NEK10: variants seen among roughly 807,000 people sequenced by gnomAD.
The protein encoded by NEK10 is NIMA related kinase 10, also known as serine/threonine-protein kinase Nek10.
A neutral mutation model predicts 159.8 loss-of-function variants in NEK10; 122 were observed. The ratio of observed to expected loss-of-function variants is 0.76; its 90% CI spans 0.66 to 0.89. NEK10 has a LOEUF of 0.89. NEK10 is among the 40% of genes least tolerant of loss of function. The probability of loss-of-function intolerance (pLI) is 0.00; values close to 1 mark genes in which losing one functional copy is unlikely to be tolerated. For synonymous variants in NEK10, 466 were observed against 457.1 expected (o/e 1.02, Z -0.25); for missense variants, 1,342 against 1,323.1 (o/e 1.01, Z -0.22).
rs138589882 is a variant in NEK10 at position 27,148,023 on chromosome 3, G to T, written c.2870-6441C>A. Among the ~76,000 whole-genome samples the T allele has an allele frequency of 3.9e-4, 59 of 151,898 alleles. No homozygotes were observed. In the East Asian group the frequency reaches 9.5e-3, roughly 24 times the overall value. ...TGCACCCCAATATAAAAAATAATAA[G>T]TAGTTATATAAACAGAAAAATTTTT... On this transcript the variant is annotated intron_variant, in intron 30 of 35. Transcript: ENST00000691995.
At chr3:27,317,865 C>T (rs564427918) in intron 6 of NEK10, among the ~76,000 whole-genome samples, 2 of 152,136 alleles carry the variant, frequency 1.3e-5, no homozygotes, top group East Asian at 1.9e-4. Flanking sequence ...TGCAGTGGCG[C>T]GATCTTGGCT....
At chr3:27,236,685 T>C (rs542336182) in intron 23 of NEK10, among the ~76,000 whole-genome samples, 1 of 152,114 alleles carries the variant, frequency 6.6e-6, no homozygotes, top group East Asian at 1.9e-4. Context: ...AGAGGGTGTA[T>C]GAACAGGGAA....
At chr3:27,172,448 T>C (rs1947097681) in intron 28 of NEK10, among the ~76,000 whole-genome samples, 1 of 151,412 alleles carries the variant, frequency 6.6e-6, no homozygotes, top group Non-Finnish European at 1.5e-5. Context: ...CTGGTATATA[T>C]CCAAAAGAAG....
chr3:27,132,077 A>G (rs893194917), intron 31 of NEK10, 87 bp from the exon 32 acceptor site: 4 of 669,642 alleles, frequency 6.0e-6, no homozygotes, highest in Admixed American at 5.1e-5. Context: ...GGGCCCATGT[A>G]ACAATATTCA....
At chr3:27,148,093 A>G (rs1944481573) in intron 30 of NEK10, among the ~76,000 whole-genome samples, 1 of 152,232 alleles carries the variant, frequency 6.6e-6, no homozygotes, top group African/African-American at 2.4e-5. Flanking sequence ...TATTGAATCC[A>G]TACTGAGCAG....
At chr3:27,118,626 T>C (rs189178250) in intron 33 of NEK10, among the ~76,000 whole-genome samples, 8 of 152,316 alleles carry the variant, frequency 5.3e-5, no homozygotes, top group Non-Finnish European at 7.3e-5. Flanking sequence ...TGGGGGGAGT[T>C]TGTCAACTCA....
intron 3 of NEK10, among the ~76,000 whole-genome samples, chr3:27,351,170 G>T (rs2047943296): frequency 6.6e-6 from 1 of 151,432 alleles, no homozygotes; most frequent in Non-Finnish European, 1.5e-5. Flanking sequence ...CTTGGAAATG[G>T]GTGAGATTTT....
At position 27,119,844 on chromosome 3, in the gene NEK10, T is replaced by C. The variant is rs1272938083; in HGVS notation, c.3106A>G (p.Ile1036Val). The C allele has an allele frequency of 1.2e-6, 2 of 1,613,790 alleles. No homozygotes were observed. The highest frequency in any genetic ancestry group is 2.7e-5 in the African/African-American group (2 of 74,908). The change falls in exon 33 of 36, where the codon ATT (isoleucine) becomes GTT (valine). Residue 1036 changes from isoleucine to valine, a missense_variant. Transcript: ENST00000691995. ...TCTGCTGTGAAAAAGTTGGGCTCAA[T>C]CGGTTCTGGAGATCCCTGAGATAAC... Reference protein sequence around the residue: ...KKLSQGSPEPIEPNFFTADYH... With the variant: ...KKLSQGSPEPVEPNFFTADYH...
chr3:27,350,957 A>G (rs2047927076), intron 3 of NEK10, among the ~76,000 whole-genome samples: 2 of 152,144 alleles, frequency 1.3e-5, no homozygotes, highest in Non-Finnish European at 1.5e-5. Flanking sequence ...CCAAGAACTC[A>G]TCAAATATAG....
At chr3:27,189,020 A>T (rs1948877422) in intron 26 of NEK10, among the ~76,000 whole-genome samples, 1 of 152,158 alleles carries the variant, frequency 6.6e-6, no homozygotes, top group Non-Finnish European at 1.5e-5. Context: ...ACATGACAAT[A>T]TTCTAATTAT....
chr3:27,271,275 G>A (rs192001080), intron 22 of NEK10, among the ~76,000 whole-genome samples: 2 of 151,700 alleles, frequency 1.3e-5, no homozygotes, highest in East Asian at 1.9e-4. Context: ...ATCGTATAAG[G>A]TGGTGTTAAC....
chr3:27,340,120 A>G (rs2047097291), intron 5 of NEK10, among the ~76,000 whole-genome samples: 1 of 152,238 alleles, frequency 6.6e-6, no homozygotes, highest in Admixed American at 6.5e-5. Context: ...ATGCTTATCA[A>G]TGATAGACTG....
intron 26 of NEK10, among the ~76,000 whole-genome samples, chr3:27,187,961 C>A (rs1269771457): frequency 6.6e-6 from 1 of 152,162 alleles, no homozygotes; most frequent in Non-Finnish European, 1.5e-5. Context: ...TATGCATTGT[C>A]AATCAGCAGA....
Position 27,277,577 on chromosome 3 carries a change from A to G in NEK10, c.2014+7025T>C, listed in dbSNP as rs144949820. Among the ~76,000 whole-genome samples, 105 of 152,282 alleles carry G rather than the reference A, an allele frequency of 6.9e-4. 2 individuals are homozygous for G. The highest frequency in any genetic ancestry group is 1.2e-3 in the East Asian group (6 of 5,178). ...CACATCAAACACCTTGATAGTTCCTAGACACACTATACTCCTTCATGTCTC... is the reference window on the plus strand; with the variant it reads ...CACATCAAACACCTTGATAGTTCCTGGACACACTATACTCCTTCATGTCTC... On this transcript the variant is annotated intron_variant, in intron 22 of 35. Coordinates refer to ENST00000691995, the MANE Select transcript of NEK10 (RefSeq NM_001394966.1).
At position 27,309,356 on chromosome 3, in the gene NEK10, A is replaced by T. The variant is rs79803073; in HGVS notation, c.637-351T>A. ...TGGCTTTACCCATAGAATAGTGAAA[A>T]AAATTATGCCCTATCAAGCCTTATG... On this transcript the variant is annotated intron_variant, in intron 9 of 35. Transcript: ENST00000691995. The T allele has an allele frequency of 1.4e-3, 224 of 155,232 alleles. 6 individuals are homozygous for T. The East Asian group carries it at 0.037, about 26-fold the overall frequency. The allele number at this position is 155,232 out of a possible 1,614,324, so 9.6% of individuals were successfully genotyped here. A position where few individuals can be genotyped will look rare whatever the true frequency, so the allele number is the denominator to read the frequency against.
In NEK10 at chr3:27,141,577, C is replaced by A. The variant is rs1575477088; in HGVS notation, c.2875G>T (p.Ala959Ser). The stretch of plus-strand genomic sequence containing the variant: ...TTCCTCTGGGACACAGCAATTCCTG[C>A]TGATGCTGTGGGTGATAAATTTTGT... The part of the protein sequence containing the change: ...GTGSRPRPAS[A>S]GIAVSQRKVR... The change falls in exon 31 of 36, where the codon GCA becomes TCA. Residue 959 changes from alanine (A) to serine (S), a missense_variant. Ala to Ser is a moderately conservative substitution (Grantham distance 99, BLOSUM62 1). Transcript: ENST00000691995. 1 of 1,611,086 alleles carries A rather than the reference C, an allele frequency of 6.2e-7. No individual in the cohort carries two copies. Among genetic ancestry groups the A allele is most frequent in the Non-Finnish European group, 8.5e-7 (1 of 1,177,730 alleles).
chr3:27,187,658 A>G (rs1948743156), intron 26 of NEK10, among the ~76,000 whole-genome samples: 1 of 151,792 alleles, frequency 6.6e-6, no homozygotes, highest in South Asian at 2.1e-4. Flanking sequence ...AAAAGCGGGT[A>G]TGTACAATAA....
chr3:27,250,509 G>C (rs1408802590), intron 23 of NEK10, among the ~76,000 whole-genome samples: 2 of 152,082 alleles, frequency 1.3e-5, no homozygotes, highest in Non-Finnish European at 1.5e-5. Context: ...TTACCAGTGA[G>C]TTTTGTATGT....
chr3:27,165,590 T>A (rs1027032639), intron 29 of NEK10, among the ~76,000 whole-genome samples: 1 of 152,176 alleles, frequency 6.6e-6, no homozygotes, highest in Admixed American at 6.5e-5. Flanking sequence ...CCAACAGCAC[T>A]TCAGGCCAAT....
Sources: gnomAD v4.1 joint callset for allele counts (sites outside exome capture counted in the v4.1 genomes callset) on GRCh38, gnomAD v4.1.1 for gene constraint, MANE v1.5 for transcripts, NCBI Gene and HGNC (gene_info 2026-07-23, HGNC 2026-07-21) for gene names.